Variants in TLK2 observed in about 807,000 individuals in gnomAD.
The protein encoded by TLK2 is tousled like kinase 2.
Under a neutral mutation model 117.3 loss-of-function variants are expected in TLK2, and 6 were observed. The observed-to-expected ratio is 0.05, with a 90% CI of 0.03 to 0.10. The LOEUF is 0.10. TLK2 is among the 10% of genes least tolerant of loss of function. The pLI is 1.00. For missense variants in TLK2, 299 were observed against 901.2 expected (o/e 0.33, Z 8.56); for synonymous variants, 257 against 316.7 (o/e 0.81, Z 2.00).
At chr17:62,580,646 A>G (rs1422037769) in intron 15 of TLK2, among the ~76,000 whole-genome samples, 1 of 152,176 alleles carries the variant, frequency 6.6e-6, no homozygotes, top group Non-Finnish European at 1.5e-5. Context: ...GGCAGTCTGA[A>G]AGAGTGTCCT....
At chr17:62,528,035 C>G (rs1488365792) in intron 6 of TLK2, among the ~76,000 whole-genome samples, 1 of 152,148 alleles carries the variant, frequency 6.6e-6, no homozygotes, top group Non-Finnish European at 1.5e-5. Flanking sequence ...GTCACCGTGC[C>G]CAGCCTAGAA....
In TLK2 at chr17:62,578,583, C is replaced by T. The variant is rs779678813; in HGVS notation, c.1286+9C>T. On this transcript the variant is annotated intron_variant, in intron 14 of 21. Coordinates refer to ENST00000346027, the MANE Select transcript of TLK2 (RefSeq NM_006852.6). Reference sequence around the variant, plus strand: ...AATGAAGATAATTCACAGTAAGCTACTTCAGGGCATATTGGGTTGGAGATT... The same window carrying T: ...AATGAAGATAATTCACAGTAAGCTATTTCAGGGCATATTGGGTTGGAGATT... 7.5e-6 allele frequency: 12 copies of T among 1,601,836 alleles called. No individual in the cohort carries two copies. In the East Asian group the frequency reaches 2.5e-4, roughly 33 times the overall value.
At chr17:62,554,977 T>C (rs1036609075) in intron 9 of TLK2, among the ~76,000 whole-genome samples, 13 of 152,052 alleles carry the variant, frequency 8.5e-5, no homozygotes, top group Non-Finnish European at 1.8e-4. Context: ...ATTTTTTTTT[T>C]CAGTAATTTT....
chr17:62,540,335 T>C (rs1254607313), intron 7 of TLK2, among the ~76,000 whole-genome samples: 2 of 148,326 alleles, frequency 1.3e-5, no homozygotes, highest in East Asian at 2.0e-4. Context: ...CTTCTTTTTA[T>C]ATTATATGCC....
chr17:62,591,951 T>G (rs1157697616), intron 16 of TLK2, among the ~76,000 whole-genome samples: 1 of 152,104 alleles, frequency 6.6e-6, no homozygotes, highest in Non-Finnish European at 1.5e-5. Context: ...ACTACATTCT[T>G]TCTTCTTTTT....
At position 62,535,469 on chromosome 17, in the gene TLK2, A is replaced by G. The variant is rs530143496; in HGVS notation, c.364-701A>G. On this transcript the variant is annotated intron_variant, in intron 6 of 21. Transcript: ENST00000346027. ...ATTGAGAGTGAAATAAGCTTCACCT[A>G]TAAAGTCACGTGACAGGCCAGGCAC... Among the ~76,000 whole-genome samples, 106 of 152,236 alleles carry G rather than the reference A, an allele frequency of 7.0e-4. 1 individual carries two copies. The highest frequency in any genetic ancestry group is 2.4e-3 in the African/African-American group (101 of 41,542).
At chr17:62,501,154 T>C (rs1598239986) in intron 2 of TLK2, among the ~76,000 whole-genome samples, 1 of 151,982 alleles carries the variant, frequency 6.6e-6, no homozygotes, top group Admixed American at 6.6e-5. Context: ...AGGAGAATGG[T>C]GTGAACCTGG....
chr17:62,614,119 G>C lies in TLK2; in HGVS notation c.*1554G>C, dbSNP rs963047070. The C allele has an allele frequency of 8.9e-5, 11 of 123,902 alleles. No individual in the cohort carries two copies. Among genetic ancestry groups the C allele is most frequent in the Middle Eastern group, 4.7e-3 (1 of 214 alleles). 7.7% of individuals were successfully genotyped at this position (123,902 alleles called of 1,614,324 possible). ...AGCCTAGGCAACAGAATGAGACTCT[G>C]TCTCAGAAAAAAAAAAAAAAAAAAA... On this transcript the variant is annotated 3_prime_UTR_variant, in exon 22 of 22. Transcript: ENST00000346027.
intron 11 of TLK2, among the ~76,000 whole-genome samples, chr17:62,568,558 C>G (rs77975938): frequency 0.066 from 9,977 of 151,746 alleles, 1,096 homozygotes; most frequent in African/African-American, 0.23. Context: ...GGTATTTATT[C>G]TGAAGTGTAA....
At chr17:62,586,348 T>C in intron 16 of TLK2, 122 bp downstream of exon 16, 9 of 666,780 alleles carry the variant, frequency 1.3e-5, no homozygotes, top group Non-Finnish European at 2.6e-6. Flanking sequence ...ATAACTGCCC[T>C]GAGAGAATAA....
intron 2 of TLK2, among the ~76,000 whole-genome samples, chr17:62,481,506 T>C (rs2071647420): frequency 6.6e-6 from 1 of 152,254 alleles, no homozygotes; most frequent in Admixed American, 6.5e-5. Flanking sequence ...TGCCATATTT[T>C]GTTAAAACTT....
At chr17:62,522,770 G>T (rs1432192737) in intron 4 of TLK2, among the ~76,000 whole-genome samples, 1 of 152,092 alleles carries the variant, frequency 6.6e-6, no homozygotes, top group Non-Finnish European at 1.5e-5. Flanking sequence ...AGAAAAAATG[G>T]CTTGGCTTTT....
At chr17:62,531,797 T>C (rs2076759300) in intron 6 of TLK2, among the ~76,000 whole-genome samples, 2 of 152,198 alleles carry the variant, frequency 1.3e-5, no homozygotes, top group Non-Finnish European at 2.9e-5. Flanking sequence ...GAAATATTGA[T>C]TTGGATTGTG....
intron 16 of TLK2, among the ~76,000 whole-genome samples, chr17:62,586,686 T>TCCA (rs1443476315): frequency 6.6e-6 from 1 of 151,998 alleles, no homozygotes; most frequent in East Asian, 1.9e-4. Context: ...TTGGGCGTGG[T>TCCA]GGCAGGCATC....
At chr17:62,525,937 G>C (rs1206340745) in intron 6 of TLK2, among the ~76,000 whole-genome samples, 1 of 152,158 alleles carries the variant, frequency 6.6e-6, no homozygotes, top group East Asian at 1.9e-4. Flanking sequence ...GATACGTTTT[G>C]TAGAATTTCT....
intron 9 of TLK2, among the ~76,000 whole-genome samples, chr17:62,555,668 G>C (rs569853629): frequency 7.8e-4 from 119 of 151,680 alleles, no homozygotes; most frequent in Non-Finnish European, 1.5e-3. Flanking sequence ...TAGTAGAGAC[G>C]GGGTTTCACC....
chr17:62,528,680 G>A (rs552975107), intron 6 of TLK2, among the ~76,000 whole-genome samples: 156 of 152,274 alleles, frequency 1.0e-3, no homozygotes, highest in African/African-American at 3.5e-3. Flanking sequence ...GCCTCCCAAA[G>A]TGCTGGAATT....
chr17:62,541,495 T>C (rs185432118), intron 7 of TLK2, among the ~76,000 whole-genome samples: 1 of 152,232 alleles, frequency 6.6e-6, no homozygotes, highest in African/African-American at 2.4e-5. Flanking sequence ...TATACACCAA[T>C]GAAAGATTTC....
At chr17:62,602,310 C>T (rs1041960954) in intron 19 of TLK2, 130 bp downstream of exon 19, 3 of 834,172 alleles carry the variant, frequency 3.6e-6, no homozygotes, top group Non-Finnish European at 5.3e-6. Flanking sequence ...CAGACTTTCT[C>T]CCCAAATCAT....
Sources: gnomAD v4.1 joint callset for allele counts (sites outside exome capture counted in the v4.1 genomes callset) on GRCh38, gnomAD v4.1.1 for gene constraint, MANE v1.5 for transcripts, NCBI Gene and HGNC (gene_info 2026-07-23, HGNC 2026-07-21) for gene names.